The following PHTF2 variants were observed in gnomAD, a reference collection of about 807,000 sequenced individuals.
PHTF2 encodes putative homeodomain transcription factor 2.
PHTF2 carries 60 observed loss-of-function variants against 101.2 expected under a neutral mutation model. The observed-to-expected ratio is 0.59, with a 90% CI of 0.48 to 0.73. The LOEUF (loss-of-function observed/expected upper bound fraction) is 0.73, where lower values mean the gene tolerates loss of function less well. PHTF2 is among the 30% of genes least tolerant of loss of function. The pLI, the probability that PHTF2 is intolerant of heterozygous loss-of-function variation, is 0.00. For synonymous variants in PHTF2, 311 were observed against 307.3 expected, an observed-to-expected ratio of 1.01 and a Z score of -0.13; for missense variants, 747 against 908.7, an observed-to-expected ratio of 0.82 and a Z score of 2.29.
intron 7 of PHTF2, among the ~76,000 whole-genome samples, chr7:77,903,576 G>A (rs769056436): frequency 8.5e-5 from 13 of 152,140 alleles, no homozygotes; most frequent in Non-Finnish European, 1.5e-4. Flanking sequence ...AGTTAAATAG[G>A]GAACACGGGT....
chr7:77,871,235 C>T (rs542593209), intron 3 of PHTF2, among the ~76,000 whole-genome samples: 25 of 152,276 alleles, frequency 1.6e-4, no homozygotes, highest in African/African-American at 5.5e-4. Context: ...CTTAATCACA[C>T]GGCATGGTGA....
chr7:77,880,448 A>T (rs1187583354), intron 3 of PHTF2, among the ~76,000 whole-genome samples: 1 of 152,112 alleles, frequency 6.6e-6, no homozygotes, highest in Admixed American at 6.5e-5. Context: ...CAAGATCTTT[A>T]TTCTAGACCT....
At chr7:77,811,163 A>C (rs1793409718) in intron 1 of PHTF2, among the ~76,000 whole-genome samples, 1 of 151,970 alleles carries the variant, frequency 6.6e-6, no homozygotes, top group African/African-American at 2.4e-5. Flanking sequence ...CAGCCTCCCA[A>C]AGTGTTGGGA....
At chr7:77,867,017 A>G (rs1798123438) in intron 3 of PHTF2, among the ~76,000 whole-genome samples, 1 of 152,194 alleles carries the variant, frequency 6.6e-6, no homozygotes, top group Non-Finnish European at 1.5e-5. Context: ...ATGGTTAATT[A>G]TTGAGCTTTT....
intron 12 of PHTF2, among the ~76,000 whole-genome samples, chr7:77,934,162 T>A (rs1002038285): frequency 2.6e-5 from 4 of 152,218 alleles, no homozygotes. Context: ...GAAGACCTTT[T>A]TCTGTCTGCT....
At chr7:77,848,614 A>G (rs1318385105) in intron 2 of PHTF2, among the ~76,000 whole-genome samples, 2 of 152,034 alleles carry the variant, frequency 1.3e-5, no homozygotes, top group Non-Finnish European at 1.5e-5. Context: ...TTGTTAATTC[A>G]TTGTCAGATG....
At chr7:77,836,144 G>GGAA (rs1169323546) in intron 1 of PHTF2, among the ~76,000 whole-genome samples, 1 of 144,420 alleles carries the variant, frequency 6.9e-6, no homozygotes, top group African/African-American at 2.6e-5. Context: ...AAAAAGAAGA[G>GGAA]GAAGAAGAAG....
intron 3 of PHTF2, among the ~76,000 whole-genome samples, chr7:77,866,790 A>G (rs1291825814): frequency 2.6e-5 from 4 of 152,206 alleles, no homozygotes; most frequent in Non-Finnish European, 5.9e-5. Flanking sequence ...TTTTCTTGTT[A>G]TAGTAAACTA....
At chr7:77,851,900 G>A (rs530437069) in intron 2 of PHTF2, among the ~76,000 whole-genome samples, 1 of 151,986 alleles carries the variant, frequency 6.6e-6, no homozygotes, top group Non-Finnish European at 1.5e-5. Flanking sequence ...ATAAGTTTTA[G>A]TATGTTGTAT....
chr7:77,830,834 G>A (rs906887364), intron 1 of PHTF2, among the ~76,000 whole-genome samples: 19 of 152,216 alleles, frequency 1.2e-4, no homozygotes, highest in Non-Finnish European at 2.2e-4. Flanking sequence ...TGCATGACCC[G>A]CCCATTATTT....
intron 5 of PHTF2, among the ~76,000 whole-genome samples, chr7:77,899,816 A>G (rs1024395989): frequency 6.6e-6 from 1 of 152,212 alleles, no homozygotes; most frequent in Non-Finnish European, 1.5e-5. Flanking sequence ...AAACCAAATC[A>G]TCTAAACACT....
intron 4 of PHTF2, 113 bp downstream of exon 3, chr7:77,893,777 G>GAAGCTTTTAAAGCTTTTA: frequency 1.6e-6 from 1 of 615,404 alleles, no homozygotes; most frequent in Non-Finnish European, 2.8e-6. Context: ...CTATTCTATT[G>GAAGCTTTTAAAGCTTTTA]AAGCTTTTAA....
In PHTF2 at chr7:77,933,214, G is replaced by A. The variant is rs1354225455; in HGVS notation, c.1338+3887G>A. On this transcript the variant is annotated intron_variant, in intron 12 of 19. Coordinates refer to ENST00000416283, the Ensembl canonical transcript of PHTF2. ...GATGGCACCACTGCACTCCAGCCTG[G>A]GCAACAGAGCGAGACTCCGTCTCAA... Among the ~76,000 whole-genome samples, 4 of 151,984 alleles carry A rather than the reference G, an allele frequency of 2.6e-5. No homozygotes were observed. The East Asian group carries it at 7.7e-4, about 29-fold the overall frequency.
intron 3 of PHTF2, among the ~76,000 whole-genome samples, chr7:77,855,410 C>G (rs1797096896): frequency 2.0e-5 from 3 of 152,228 alleles, no homozygotes; most frequent in Admixed American, 1.3e-4. Flanking sequence ...GAAGGAGTCT[C>G]TCCCAGAGCT....
chr7:77,800,972 C>G (rs1792495900), intron 1 of PHTF2, among the ~76,000 whole-genome samples: 2 of 152,262 alleles, frequency 1.3e-5, no homozygotes, highest in Non-Finnish European at 2.9e-5. Flanking sequence ...AAATTGGCTT[C>G]TTGGAGACTT....
At chr7:77,851,926 T>A (rs2150627832) in intron 2 of PHTF2, among the ~76,000 whole-genome samples, 1 of 152,340 alleles carries the variant, frequency 6.6e-6, no homozygotes, top group East Asian at 1.9e-4. Context: ...TTTTATTTGT[T>A]TCAATAATTT....
At chr7:77,899,267 CTG>C (rs1248207741) in intron 5 of PHTF2, among the ~76,000 whole-genome samples, 2 of 152,084 alleles carry the variant, frequency 1.3e-5, no homozygotes, top group East Asian at 3.8e-4. Context: ...ATAAAGGACA[CTG>C]TTTACAGTAA....
rs180753136 is a variant in PHTF2 at position 77,859,160 on chromosome 7, C to A, written c.147+4326C>A. 3.3e-5 allele frequency among the ~76,000 whole-genome samples: 5 copies of A among 152,284 alleles called. No individual in the cohort carries two copies. In the East Asian group the frequency reaches 9.6e-4, roughly 29 times the overall value. On this transcript the variant is annotated intron_variant, in intron 3 of 19. Transcript: ENST00000416283. ...CTCCTTTTCTTATGAGGACAGTAGT[C>A]ATTGGATTTAAGTCTCATCTAAGTT...
At chr7:77,843,682 A>G (rs1796058386) in intron 2 of PHTF2, among the ~76,000 whole-genome samples, 1 of 152,180 alleles carries the variant, frequency 6.6e-6, no homozygotes, top group Non-Finnish European at 1.5e-5. Context: ...TTTGAGTCTC[A>G]ATTTCCACTT....
Sources: gnomAD v4.1 joint callset for allele counts (sites outside exome capture counted in the v4.1 genomes callset) on GRCh38, gnomAD v4.1.1 for gene constraint, MANE v1.5 for transcripts, NCBI Gene and HGNC (gene_info 2026-07-23, HGNC 2026-07-21) for gene names.